UBR4: variants seen among roughly 807,000 people sequenced by gnomAD.
UBR4 encodes the protein ubiquitin protein ligase E3 component n-recognin 4.
UBR4 carries 124 observed loss-of-function variants against 575.6 expected under a neutral mutation model. The observed-to-expected ratio is 0.22, with a 90% CI of 0.19 to 0.25. The LOEUF (loss-of-function observed/expected upper bound fraction) is 0.25, where lower values mean the gene tolerates loss of function less well. Ranked by LOEUF, UBR4 falls within the 10% of genes least tolerant of loss-of-function variation. The pLI, the probability that UBR4 is intolerant of heterozygous loss-of-function variation, is 1.00. For missense variants in UBR4, 4,818 were observed against 6,478.8 expected (o/e 0.74, Z 8.80); for synonymous variants, 2,455 against 2,473.7 (o/e 0.99, Z 0.22).
At chr1:19,120,076 A>G in intron 69 of UBR4, 104 bp downstream of exon 69, 1 of 1,350,646 alleles carries the variant, frequency 7.4e-7, no homozygotes, top group Non-Finnish European at 1.0e-6. Flanking sequence ...GGCTGGCGTA[A>G]CTACTGACTC....
intron 41 of UBR4, 27 bp downstream of exon 41, chr1:19,156,740 C>T (rs773516827): frequency 6.2e-7 from 1 of 1,606,778 alleles, no homozygotes; most frequent in South Asian, 1.1e-5. Context: ...CAGCTCAAGG[C>T]AATCAAACCT....
chr1:19,206,712 T>C (rs2093030641), intron 1 of UBR4, among the ~76,000 whole-genome samples: 1 of 152,232 alleles, frequency 6.6e-6, no homozygotes, highest in Non-Finnish European at 1.5e-5. Context: ...CTACATGCTA[T>C]AGAGAAAAAT....
At chr1:19,077,953 T>C (rs1392086089) in intron 104 of UBR4, 23 bp downstream of exon 104, 5 of 1,613,758 alleles carry the variant, frequency 3.1e-6, no homozygotes, top group Non-Finnish European at 4.2e-6. Flanking sequence ...CAAAACCCAC[T>C]GGGCCTCTGA....
At position 19,095,136 on chromosome 1, in the gene UBR4, G is replaced by A. The variant is rs115289964; in HGVS notation, c.13627-111C>T. The A allele has an allele frequency of 3.5e-3, 5,184 of 1,476,792 alleles. 147 individuals carry two copies. The African/African-American group carries it at 0.062, about 18-fold the overall frequency. The allele number at this position is 1,476,792 out of a possible 1,614,324, so 91.5% of individuals were successfully genotyped here. On this transcript the variant is annotated intron_variant, in intron 93 of 105. Coordinates refer to ENST00000375254, the MANE Select transcript of UBR4 (RefSeq NM_020765.3). The stretch of plus-strand genomic sequence containing the variant: ...CAGCCTTACTCCCCAGAGACCATGT[G>A]TGTATGACCGTGTGTATGTATGTGC...
chr1:19,092,738 G>A, intron 97 of UBR4, 81 bp downstream of exon 97: 1 of 1,161,270 alleles, frequency 8.6e-7, no homozygotes, highest in Non-Finnish European at 1.2e-6. Context: ...TCATATATTA[G>A]GGTAAGTCAT....
intron 17 of UBR4, among the ~76,000 whole-genome samples, chr1:19,182,307 GT>G (rs2091050892): frequency 6.6e-6 from 1 of 151,894 alleles, no homozygotes; most frequent in South Asian, 2.1e-4. Flanking sequence ...TTCTTCTGGG[GT>G]ATATAAGTAG....
chr1:19,095,563 C>T lies in UBR4; in HGVS notation c.13608G>A (p.Met4536Ile). 6.2e-7 allele frequency: 1 copy of T among 1,613,986 alleles called. No individual in the cohort carries two copies. The highest frequency in any genetic ancestry group is 1.1e-5 in the South Asian group (1 of 91,068). The change falls in exon 93 of 106, where the codon ATG becomes ATA. Residue 4536 changes from methionine (M) to isoleucine (I), a missense_variant. This residue lies in a region of UBR4 where 165 missense variants were observed against 282.3 expected (regional missense o/e 0.58). Coordinates refer to ENST00000375254, the MANE Select transcript of UBR4 (RefSeq NM_020765.3). ...TCCTTACCAGGTTTAGGGTCCCCAG[C>T]ATGACGTTCAAGGTGTTCATTTCCA... ...VKLEMNTLNV[M>I]LGTLNLALVA... is the part of the protein sequence containing the mutation.
chr1:19,105,502 T>C (rs955200889), intron 84 of UBR4, among the ~76,000 whole-genome samples: 3 of 152,236 alleles, frequency 2.0e-5, no homozygotes, highest in Non-Finnish European at 4.4e-5. Flanking sequence ...TCTCGATCAA[T>C]ATTAGCTGCA....
At chr1:19,081,686 T>A in intron 102 of UBR4, 113 bp from the exon 103 acceptor site, 1 of 1,188,140 alleles carries the variant, frequency 8.4e-7, no homozygotes, top group Non-Finnish European at 1.3e-6. Context: ...GCTGAACGCT[T>A]GGATGACTCA....
chr1:19,126,404 G>A, intron 64 of UBR4, 42 bp downstream of exon 64: 2 of 1,611,638 alleles, frequency 1.2e-6, no homozygotes, highest in East Asian at 4.5e-5. Context: ...AGAGTGCTCT[G>A]AACAAAGGAC....
At chr1:19,084,966 A>G (rs1486518627) in intron 101 of UBR4, among the ~76,000 whole-genome samples, 1 of 152,208 alleles carries the variant, frequency 6.6e-6, no homozygotes, top group Non-Finnish European at 1.5e-5. Context: ...TTTCTTAATG[A>G]ACTAATGTTG....
rs565398684 is a variant in UBR4 at position 19,165,321 on chromosome 1, T to C, written c.4240A>G (p.Thr1414Ala). ...SGELVQIMMA[T>A]ANENLSAKFC... The stretch of plus-strand genomic sequence containing the variant: ...TTAGCAGAGAGGTTCTCATTGGCTG[T>C]TGCCATCATGATCTGTACAAGTTCT... Residue 1414 changes from threonine (T) to alanine (A), a missense_variant, in exon 31 of 106, where the codon ACA becomes GCA. This residue lies in a region of UBR4 where 1,172 missense variants were observed against 1,259.7 expected (regional missense o/e 0.93). Coordinates refer to ENST00000375254, the MANE Select transcript of UBR4 (RefSeq NM_020765.3). The C allele has an allele frequency of 6.2e-7, 1 of 1,614,040 alleles. No homozygotes were observed.
rs762439193 is a variant in UBR4, at chr1:19,117,296, C to T, written c.10748G>A (p.Arg3583Gln). ...KVTVKIGDLK[R>Q]TKMVRTINLY... ...GTTGATGGTCCGCACCATCTTGGTC[C>T]GTTTCAGATCCCCGATTTTCACTGT... The change falls in exon 73 of 106, where the codon CGG becomes CAG. Residue 3583 changes from arginine to glutamine, a missense_variant. By Grantham distance (43) the Arg-to-Gln change is conservative. Around this residue, in one of 29 missense-constraint regions of UBR4, gnomAD observed 550 missense variants for 791.5 expected, o/e 0.69. Coordinates refer to ENST00000375254, the MANE Select transcript of UBR4 (RefSeq NM_020765.3). This position sits in a 1 kb window ranked among gnomAD's most constrained non-coding sequence, Gnocchi z 4.0. 5.6e-6 allele frequency: 9 copies of T among 1,614,022 alleles called. No individual in the cohort carries two copies. The highest frequency in any genetic ancestry group is 6.8e-6 in the Non-Finnish European group (8 of 1,180,040).
chr1:19,154,210 T>C (rs765204264), intron 44 of UBR4, among the ~76,000 whole-genome samples: 1 of 152,226 alleles, frequency 6.6e-6, no homozygotes, highest in Non-Finnish European at 1.5e-5. Flanking sequence ...GCCTAGAGGC[T>C]ATCAACTGCA....
intron 64 of UBR4, chr1:19,125,560 G>A (rs1419336294): frequency 6.6e-6 from 1 of 152,328 alleles, no homozygotes; most frequent in Non-Finnish European, 1.5e-5. Context: ...GGAGAGGAAA[G>A]AATTCCAGAA....
At chr1:19,177,397 T>C (rs2090384125) in intron 19 of UBR4, 64 bp downstream of exon 19, 1 of 1,574,824 alleles carries the variant, frequency 6.3e-7, no homozygotes. Flanking sequence ...CGGATCATGG[T>C]AACCATTGAG....
chr1:19,171,067 C>G (rs1475493625), intron 25 of UBR4, among the ~76,000 whole-genome samples, 184 bp from the exon 26 acceptor site: 1 of 152,104 alleles, frequency 6.6e-6, no homozygotes, highest in Admixed American at 6.6e-5. Flanking sequence ...AAAGAATGTC[C>G]CCTCCTCTGA....
At chr1:19,203,736 T>C (rs2092865275) in intron 1 of UBR4, among the ~76,000 whole-genome samples, 1 of 152,136 alleles carries the variant, frequency 6.6e-6, no homozygotes, top group Admixed American at 6.5e-5. Flanking sequence ...CAAAGATTAG[T>C]CCCTTAGAAT....
rs1359953821 is a variant in UBR4, at chr1:19,100,801, A to C, written c.13024-228T>G. Among the ~76,000 whole-genome samples, 1 of 151,932 alleles carries C rather than the reference A, an allele frequency of 6.6e-6. No individual in the cohort carries two copies. The highest frequency in any genetic ancestry group is 1.5e-5 in the Non-Finnish European group (1 of 68,010). ...CCCTGAAACCCCAGGGTGGATTAGG[A>C]GATAAAGCCTAACAAAACAAGCAGA... is the stretch of plus-strand genomic sequence containing the variant. On this transcript the variant is annotated intron_variant, in intron 88 of 105. Transcript: ENST00000375254. This position sits in a 1 kb window ranked among gnomAD's most constrained non-coding sequence, Gnocchi z 4.2.
Sources: gnomAD v4.1 joint callset for allele counts (sites outside exome capture counted in the v4.1 genomes callset) on GRCh38, gnomAD v4.1.1 for gene constraint, gnomAD v4.1.1 regional missense constraint, Gnocchi (gnomAD v3.1) non-coding constraint, MANE v1.5 for transcripts, NCBI Gene and HGNC (gene_info 2026-07-23, HGNC 2026-07-21) for gene names.